SPATA7: variants seen among roughly 807,000 people sequenced by gnomAD.
SPATA7 encodes the protein spermatogenesis-associated protein 7.
SPATA7 carries 43 observed loss-of-function variants against 51.8 expected under a neutral mutation model. That is an observed-to-expected ratio of 0.83 (90% CI 0.65 to 1.07). SPATA7 has a LOEUF of 1.07. SPATA7 is among the 50% of genes least tolerant of loss of function. SPATA7 has a pLI of 0.00. For synonymous variants in SPATA7, 230 were observed against 252.8 expected, an observed-to-expected ratio of 0.91 and a Z score of 0.86; for missense variants, 683 against 701.3, an observed-to-expected ratio of 0.97 and a Z score of 0.30.
chr14:88,459,058 C>G (rs2077301683), downstream of SPATA7, among the ~76,000 whole-genome samples: 1 of 152,176 alleles, frequency 6.6e-6, no homozygotes, highest in Admixed American at 6.5e-5. Context: ...ATCCTGAGTT[C>G]TACTTTGATT....
chr14:88,402,505 A>G (rs1261664341), intron 4 of SPATA7, among the ~76,000 whole-genome samples: 1 of 152,186 alleles, frequency 6.6e-6, no homozygotes, highest in Admixed American at 6.5e-5. Flanking sequence ...TTTATAGTCA[A>G]CTTATCTTCA....
chr14:88,393,841 CT>C (rs1412934895), intron 3 of SPATA7, among the ~76,000 whole-genome samples: 3 of 151,736 alleles, frequency 2.0e-5, no homozygotes, highest in African/African-American at 4.8e-5. Flanking sequence ...TAATTTTTTT[CT>C]TTTGTCAGCT....
intron 4 of SPATA7, among the ~76,000 whole-genome samples, chr14:88,412,010 C>T (rs184901664): frequency 6.0e-5 from 9 of 150,536 alleles, no homozygotes; most frequent in Admixed American, 2.0e-4. Context: ...CCTTTTTCCC[C>T]GCAACCTTGC....
intron 4 of SPATA7, among the ~76,000 whole-genome samples, chr14:88,413,085 A>G (rs1382897684): frequency 6.6e-6 from 1 of 152,180 alleles, no homozygotes; most frequent in Non-Finnish European, 1.5e-5. Context: ...ATTTCTGTGA[A>G]AAATGATGTG....
chr14:88,387,747 C>T (rs1341900341), intron 1 of SPATA7, among the ~76,000 whole-genome samples: 1 of 152,090 alleles, frequency 6.6e-6, no homozygotes, highest in Non-Finnish European at 1.5e-5. Flanking sequence ...TGTCACTGTA[C>T]GTCCCTGGGC....
At chr14:88,413,198 C>T (rs962666952) in intron 4 of SPATA7, among the ~76,000 whole-genome samples, 31 of 151,976 alleles carry the variant, frequency 2.0e-4, no homozygotes, top group Non-Finnish European at 7.4e-5. Context: ...AATGTTTTTC[C>T]GTTTGTGTGT....
chr14:88,419,487 G>A lies in SPATA7; in HGVS notation c.372+2643G>A, dbSNP rs140212974. Among the ~76,000 whole-genome samples the A allele has an allele frequency of 2.1e-3, 296 of 139,238 alleles. 2 individuals are homozygous for A. The highest frequency in any genetic ancestry group is 3.7e-3 in the Non-Finnish European group (238 of 63,862). 91.3% of individuals were successfully genotyped at this position (139,238 alleles called of 152,430 possible). A position where few individuals can be genotyped will look rare whatever the true frequency, so the allele number is the denominator to read the frequency against. Reference sequence around the variant, plus strand: ...TCACTTGCCAATCTCAATGTTTTAGGTTAGTATTTGGTGGGTCAGATTATT... The same window carrying A: ...TCACTTGCCAATCTCAATGTTTTAGATTAGTATTTGGTGGGTCAGATTATT... On this transcript the variant is annotated intron_variant, in intron 5 of 11. Coordinates refer to ENST00000393545, the MANE Select transcript of SPATA7 (RefSeq NM_018418.5).
chr14:88,470,152 TA>T (rs1265293415), exon 5 of SPATA7: 1 of 1,123,192 alleles, frequency 8.9e-7, no homozygotes, highest in East Asian at 2.5e-5. Flanking sequence ...TTTAAAAAAG[TA>T]AAAAGTAAAA....
At chr14:88,459,935 G>A (rs966512628), downstream of SPATA7, among the ~76,000 whole-genome samples, 19 of 151,710 alleles carry the variant, frequency 1.3e-4, no homozygotes, top group Admixed American at 1.1e-3. Context: ...CTCAGCATTT[G>A]CTTGTCTGTA....
chr14:88,469,762 T>G lies in SPATA7; in HGVS notation c.255-85T>G. On this transcript the variant is annotated intron_variant, in intron 4 of 4. Coordinates refer to the SPATA7 transcript ENST00000556406. The surrounding 1 kb of genome is among the most constrained non-coding windows in gnomAD (Gnocchi z 4.3). ...TTAAAGATGAGCATGGTTAAATGAC[T>G]CGAGATCCGGCAATGGATGCCTTTC... The G allele has an allele frequency of 1.2e-6, 2 of 1,611,276 alleles. No individual in the cohort carries two copies. Among genetic ancestry groups the G allele is most frequent in the Non-Finnish European group, 1.7e-6 (2 of 1,177,438 alleles).
At chr14:88,458,138 A>G (rs2077296330), downstream of SPATA7, among the ~76,000 whole-genome samples, 1 of 152,138 alleles carries the variant, frequency 6.6e-6, no homozygotes, top group Admixed American at 6.5e-5. Flanking sequence ...CCAGTATTTT[A>G]TTGAGGATTT....
At chr14:88,409,829 A>G (rs888687177) in intron 4 of SPATA7, among the ~76,000 whole-genome samples, 4 of 151,790 alleles carry the variant, frequency 2.6e-5, no homozygotes, top group African/African-American at 7.3e-5. Context: ...ATTTATTTCT[A>G]CCTTAATTTT....
At chr14:88,395,294 T>TTTA (rs146691205) in intron 3 of SPATA7, among the ~76,000 whole-genome samples, 5,365 of 152,000 alleles carry the variant, frequency 0.035, 311 homozygotes, top group African/African-American at 0.12. Context: ...CTTTTAAATT[T>TTTA]TTATTTTCTC....
chr14:88,457,781 G>C (rs951794744), downstream of SPATA7, among the ~76,000 whole-genome samples: 8 of 152,196 alleles, frequency 5.3e-5, no homozygotes, highest in African/African-American at 1.9e-4. Flanking sequence ...GGAGTGGTGA[G>C]AGAGGGCATC....
intron 3 of SPATA7, among the ~76,000 whole-genome samples, chr14:88,450,193 T>C (rs956832172): frequency 6.6e-6 from 1 of 152,058 alleles, no homozygotes; most frequent in Non-Finnish European, 1.5e-5. Flanking sequence ...AGTCTTTATG[T>C]GTCAGGTGGG....
At chr14:88,387,902 C>T (rs958087392) in intron 1 of SPATA7, among the ~76,000 whole-genome samples, 1 of 152,026 alleles carries the variant, frequency 6.6e-6, no homozygotes, top group East Asian at 1.9e-4. Flanking sequence ...GGAGAGGAGA[C>T]AACCTATTAG....
chr14:88,444,848 CTG>C (rs2077200885), intron 3 of SPATA7, among the ~76,000 whole-genome samples: 1 of 152,168 alleles, frequency 6.6e-6, no homozygotes, highest in South Asian at 2.1e-4. Context: ...ATCTATATCT[CTG>C]TTTTGGTACC....
chr14:88,468,935 G>A, intron 4 of SPATA7: 1 of 1,614,140 alleles, frequency 6.2e-7, no homozygotes, highest in Non-Finnish European at 8.5e-7. Context: ...TTCCAGGCAG[G>A]CGATCATGAT....
intron 1 of SPATA7, among the ~76,000 whole-genome samples, chr14:88,389,615 A>G (rs1366551655): frequency 6.6e-6 from 1 of 152,232 alleles, no homozygotes; most frequent in Admixed American, 6.5e-5. Context: ...ATAGACATCA[A>G]GGAACATCTA....
Sources: gnomAD v4.1 joint callset for allele counts (sites outside exome capture counted in the v4.1 genomes callset) on GRCh38, gnomAD v4.1.1 for gene constraint, Gnocchi (gnomAD v3.1) non-coding constraint, MANE v1.5 for transcripts, NCBI Gene and HGNC (gene_info 2026-07-23, HGNC 2026-07-21) for gene names.